Variants in AOAH observed in about 807,000 individuals in gnomAD.
AOAH encodes the protein acyloxyacyl hydrolase (neutrophil).
A neutral mutation model predicts 92.2 loss-of-function variants in AOAH; 64 were observed. That is an observed-to-expected ratio of 0.69 (90% CI 0.57 to 0.86). AOAH has a LOEUF of 0.86. AOAH is among the 40% of genes least tolerant of loss of function. The pLI is 0.00. For missense variants in AOAH, 656 were observed against 694.6 expected (o/e 0.94, Z 0.62); for synonymous variants, 263 against 254.5 (o/e 1.03, Z -0.32).
At chr7:36,586,192 G>A (rs1254969774) in intron 12 of AOAH, among the ~76,000 whole-genome samples, 1 of 152,048 alleles carries the variant, frequency 6.6e-6, no homozygotes, top group Admixed American at 6.5e-5. Flanking sequence ...ATTTTAACAA[G>A]TCTTCCTGAT....
At chr7:36,720,335 T>A (rs1206896276) in intron 1 of AOAH, among the ~76,000 whole-genome samples, 1 of 130,676 alleles carries the variant, frequency 7.7e-6, no homozygotes, top group African/African-American at 2.6e-5. Flanking sequence ...TATCTATATT[T>A]ACATTTTTTT....
chr7:36,585,865 C>T (rs1789288399), intron 12 of AOAH, among the ~76,000 whole-genome samples: 1 of 152,062 alleles, frequency 6.6e-6, no homozygotes, highest in Non-Finnish European at 1.5e-5. Context: ...AGGACTTCAG[C>T]TTTTTACTTT....
intron 4 of AOAH, among the ~76,000 whole-genome samples, chr7:36,646,898 C>T (rs1794257787): frequency 6.6e-6 from 1 of 152,230 alleles, no homozygotes; most frequent in Non-Finnish European, 1.5e-5. Context: ...AACTACATTA[C>T]ACCCTCAAAA....
rs186644755 is a variant in AOAH at position 36,623,622 on chromosome 7, T to C, written c.522-372A>G. 2.3e-3 allele frequency among the ~76,000 whole-genome samples: 350 copies of C among 152,358 alleles called. 2 individuals carry two copies. The highest frequency in any genetic ancestry group is 8.1e-3 in the African/African-American group (337 of 41,584). ...AATTGAATTTTTGCCATTTTGCACA[T>C]TGTTATAGAAATCTTTTCTTAAAAT... On this transcript the variant is annotated intron_variant, in intron 6 of 20. Coordinates refer to ENST00000617537, the MANE Select transcript of AOAH (RefSeq NM_001637.4).
intron 20 of AOAH, among the ~76,000 whole-genome samples, chr7:36,515,712 CA>C (rs1783627121): frequency 8.5e-6 from 1 of 117,786 alleles, no homozygotes; most frequent in Non-Finnish European, 1.8e-5. Flanking sequence ...CACCCCCCCA[CA>C]CACCACACAC....
intron 1 of AOAH, among the ~76,000 whole-genome samples, chr7:36,714,413 T>C (rs1798987099): frequency 6.6e-6 from 1 of 152,210 alleles, no homozygotes; most frequent in Non-Finnish European, 1.5e-5. Context: ...GAGGAACTAG[T>C]ACCATTCCTT....
chr7:36,705,204 TTTGCAGATGACATGA>T (rs1383616551), intron 1 of AOAH, among the ~76,000 whole-genome samples: 1 of 152,178 alleles, frequency 6.6e-6, no homozygotes, highest in Non-Finnish European at 1.5e-5. Flanking sequence ...ATTATCTCTG[TTTGCAGATGACATGA>T]TTGTATATTT....
At chr7:36,566,270 T>C (rs1387539968) in intron 13 of AOAH, among the ~76,000 whole-genome samples, 1 of 152,040 alleles carries the variant, frequency 6.6e-6, no homozygotes, top group Non-Finnish European at 1.5e-5. Flanking sequence ...GGGTGGGGAC[T>C]GTGTTATAAA....
chr7:36,648,218 T>C (rs1029889105), intron 4 of AOAH, among the ~76,000 whole-genome samples: 2 of 152,246 alleles, frequency 1.3e-5, no homozygotes, highest in African/African-American at 4.8e-5. Context: ...TCTCTGATAC[T>C]GAAAGCCTTT....
intron 4 of AOAH, among the ~76,000 whole-genome samples, chr7:36,642,024 C>CT (rs1793951540): frequency 1.3e-5 from 2 of 152,106 alleles, no homozygotes; most frequent in East Asian, 3.9e-4. Context: ...GGCTTGGGGA[C>CT]TACTGACTGC....
At chr7:36,603,310 C>T (rs1790737400) in intron 11 of AOAH, among the ~76,000 whole-genome samples, 1 of 152,174 alleles carries the variant, frequency 6.6e-6, no homozygotes, top group African/African-American at 2.4e-5. Context: ...TCCCCTGAAC[C>T]TACCCCTATC....
intron 11 of AOAH, among the ~76,000 whole-genome samples, chr7:36,604,266 G>A (rs1030183091): frequency 6.6e-6 from 1 of 152,156 alleles, no homozygotes; most frequent in Admixed American, 6.5e-5. Flanking sequence ...ATAAGATAAT[G>A]TTAAATAGGA....
chr7:36,611,472 G>A (rs1048004194), intron 11 of AOAH, among the ~76,000 whole-genome samples: 1 of 152,202 alleles, frequency 6.6e-6, no homozygotes, highest in Non-Finnish European at 1.5e-5. Flanking sequence ...GCAAACAGCA[G>A]ATGAAAACGA....
At chr7:36,637,984 A>G (rs1298309268) in intron 4 of AOAH, 74 bp from the exon 5 acceptor site, 1 of 1,258,996 alleles carries the variant, frequency 7.9e-7, no homozygotes, top group Non-Finnish European at 1.1e-6. Flanking sequence ...TAAAATTAGG[A>G]TATTTAAAGT....
chr7:36,636,746 C>T (rs760772998), intron 5 of AOAH, among the ~76,000 whole-genome samples: 1 of 152,106 alleles, frequency 6.6e-6, no homozygotes, highest in Non-Finnish European at 1.5e-5. Flanking sequence ...AGCAGAGTTG[C>T]CAGATAAAAT....
intron 7 of AOAH, among the ~76,000 whole-genome samples, chr7:36,622,329 A>G (rs948065463): frequency 2.6e-5 from 4 of 152,240 alleles, no homozygotes; most frequent in East Asian, 1.9e-4. Context: ...CCAAATGATT[A>G]ATTTCATTGG....
chr7:36,708,504 T>C (rs1798566523), intron 1 of AOAH, among the ~76,000 whole-genome samples: 1 of 152,200 alleles, frequency 6.6e-6, no homozygotes, highest in Admixed American at 6.5e-5. Flanking sequence ...ATTCTGTGGA[T>C]ATCCCCATAA....
At chr7:36,719,423 T>C (rs1335433461) in intron 1 of AOAH, among the ~76,000 whole-genome samples, 1 of 152,142 alleles carries the variant, frequency 6.6e-6, no homozygotes, top group Non-Finnish European at 1.5e-5. Context: ...CAAATTTGAT[T>C]ACTCAACAAT....
intron 3 of AOAH, among the ~76,000 whole-genome samples, chr7:36,672,885 TAAC>T (rs1796013809): frequency 1.3e-5 from 2 of 151,996 alleles, no homozygotes; most frequent in Non-Finnish European, 1.5e-5. Flanking sequence ...ATGTTTATAA[TAAC>T]ATGTATTATA....
Sources: gnomAD v4.1 joint callset for allele counts (sites outside exome capture counted in the v4.1 genomes callset) on GRCh38, gnomAD v4.1.1 for gene constraint, MANE v1.5 for transcripts, NCBI Gene and HGNC (gene_info 2026-07-23, HGNC 2026-07-21) for gene names.